RIT1: variants seen among roughly 807,000 people sequenced by gnomAD.
The protein encoded by RIT1 is GTP-binding protein Rit1.
A neutral mutation model predicts 25.6 loss-of-function variants in RIT1; 6 were observed. The observed-to-expected ratio is 0.23, with a 90% CI of 0.13 to 0.46. RIT1 has a LOEUF of 0.46. Among genes scored for constraint, RIT1 ranks in the 20% least tolerant of loss-of-function variants. RIT1 has a pLI of 0.99. For missense variants in RIT1, 219 were observed against 284.4 expected (o/e 0.77, Z 1.65); for synonymous variants, 81 against 94.1 (o/e 0.86, Z 0.80).
At chr1:155,904,173 G>C (rs765379376) in intron 5 of RIT1, 138 bp downstream of exon 5, 33 of 652,398 alleles carry the variant, frequency 5.1e-5, no homozygotes, top group Non-Finnish European at 8.4e-5. Flanking sequence ...CAAAGTACTG[G>C]TGTGAGCCAC....
At position 155,900,518 on chromosome 1, in the gene RIT1, G is replaced by A; in HGVS notation, c.530C>T (p.Ala177Val). The change falls in exon 6 of 6, where the codon GCC (alanine) becomes GTC (valine). Residue 177 changes from alanine (A) to valine (V), a missense_variant. Transcript: ENST00000368323. ...TTTCCTACGTATCTCCCGTACAAGG[G>A]CATGGAAAACATCATCAATATAGTA... is the stretch of plus-strand genomic sequence containing the variant. ...YRYYIDDVFH[A>V]LVREIRRKEK... is the part of the protein sequence containing the mutation. The A allele has an allele frequency of 6.2e-7, 1 of 1,614,072 alleles. No homozygotes were observed. The highest frequency in any genetic ancestry group is 8.5e-7 in the Non-Finnish European group (1 of 1,179,996).
chr1:155,901,973 A>G (rs1265998661), intron 5 of RIT1, among the ~76,000 whole-genome samples: 4 of 152,150 alleles, frequency 2.6e-5, no homozygotes, highest in Non-Finnish European at 5.9e-5. Flanking sequence ...AAGAAACACT[A>G]AACAATACAA....
intron 3 of RIT1, among the ~76,000 whole-genome samples, chr1:155,906,762 C>CAAAAAAAA (rs59899087): frequency 4.0e-4 from 10 of 24,748 alleles, no homozygotes; most frequent in African/African-American, 1.1e-3. Flanking sequence ...TTCTCCGTCT[C>CAAAAAAAA]AAAAAAAAAA....
Position 155,900,137 on chromosome 1 carries a change from C to A in RIT1, c.*251G>T, listed in dbSNP as rs1284611933. The stretch of plus-strand genomic sequence containing the variant: ...AACAAATTTACATTAATTAATAGCG[C>A]AACAGAACCCAAAACATTGGTAGAA... On this transcript the variant is annotated 3_prime_UTR_variant, in exon 6 of 6. Coordinates refer to ENST00000368323, the MANE Select transcript of RIT1 (RefSeq NM_006912.6). 2 of 472,570 alleles carry A rather than the reference C, an allele frequency of 4.2e-6. No individual in the cohort carries two copies. Among genetic ancestry groups the A allele is most frequent in the Non-Finnish European group, 7.5e-6 (2 of 265,338 alleles). 29.3% of individuals were successfully genotyped at this position (472,570 alleles called of 1,614,324 possible).
Position 155,898,492 on chromosome 1 carries a change from T to TTAAA in RIT1, c.*1895_*1896insTTTA, listed in dbSNP as rs1491498831. 5 of 34,314 alleles carry TTAAA rather than the reference T, an allele frequency of 1.5e-4. No individual in the cohort carries two copies. The highest frequency in any genetic ancestry group is 3.7e-4 in the African/African-American group (4 of 10,810). The allele number at this position is 34,314 out of a possible 1,614,324, so 2.1% of individuals were successfully genotyped here. ...AACATAGTGAAACCTCATCTCTATT[T>TTAAA]AAAAAAAAAAAAAAAAAAAAAAAAA... is the stretch of plus-strand genomic sequence containing the variant. On this transcript the variant is annotated 3_prime_UTR_variant, in exon 6 of 6. Coordinates refer to ENST00000368323, the MANE Select transcript of RIT1 (RefSeq NM_006912.6).
intron 5 of RIT1, 127 bp downstream of exon 5, chr1:155,904,184 C>A: frequency 1.4e-6 from 1 of 712,020 alleles, no homozygotes; most frequent in East Asian, 2.7e-5. Context: ...TGTGAGCCAC[C>A]TCACCCAGCC....
chr1:155,910,584 T>G (rs527741406), intron 2 of RIT1, 72 bp downstream of exon 2: 5 of 1,606,438 alleles, frequency 3.1e-6, no homozygotes, highest in Middle Eastern at 1.7e-4. Context: ...CATTGCAAGA[T>G]AGCAAGTATC....
intron 5 of RIT1, among the ~76,000 whole-genome samples, chr1:155,903,662 T>C (rs894970470): frequency 6.6e-6 from 1 of 152,100 alleles, no homozygotes. Context: ...TAAATCCCTA[T>C]AAATTTTTTC....
At chr1:155,910,878 C>G in intron 1 of RIT1, 74 bp from the exon 2 acceptor site, 1 of 1,585,652 alleles carries the variant, frequency 6.3e-7, no homozygotes, top group Middle Eastern at 1.7e-4. Flanking sequence ...AGTGCCTTAC[C>G]TTTCCATACA....
chr1:155,910,283 A>G, intron 3 of RIT1, 167 bp downstream of exon 3: 1 of 620,102 alleles, frequency 1.6e-6, no homozygotes, highest in Admixed American at 3.0e-5. Context: ...AAGTCTGAAA[A>G]AAAAAGAAAT....
intron 3 of RIT1, among the ~76,000 whole-genome samples, chr1:155,905,641 T>C (rs1017873903): frequency 3.0e-4 from 46 of 152,162 alleles, no homozygotes; most frequent in African/African-American, 9.9e-4. Flanking sequence ...TCCAATGAAG[T>C]AGGCATTATT....
chr1:155,909,940 A>G (rs1673553639), intron 3 of RIT1, among the ~76,000 whole-genome samples: 1 of 151,008 alleles, frequency 6.6e-6, no homozygotes, highest in African/African-American at 2.4e-5. Flanking sequence ...AAAAAAAACA[A>G]CAGACAGACA....
At chr1:155,910,137 G>A (rs1344632518) in intron 3 of RIT1, 1 of 265,696 alleles carries the variant, frequency 3.8e-6, no homozygotes, top group Non-Finnish European at 7.3e-6. Flanking sequence ...CGAGTCTCAA[G>A]TCATACCCTT....
chr1:155,900,509 C>T lies in RIT1; in HGVS notation c.539G>A (p.Arg180Gln), dbSNP rs760845441. Reference protein sequence around the residue: ...YIDDVFHALVREIRRKEKEAV... With the variant: ...YIDDVFHALVQEIRRKEKEAV... ...CTCCTTTTCTTTCCTACGTATCTCC[C>T]GTACAAGGGCATGGAAAACATCATC... is the stretch of plus-strand genomic sequence containing the variant. The change falls in exon 6 of 6, where the codon CGG becomes CAG. Residue 180 changes from arginine to glutamine, a missense_variant. By Grantham distance (43) the Arg-to-Gln change is conservative. Coordinates refer to ENST00000368323, the MANE Select transcript of RIT1 (RefSeq NM_006912.6). 5 of 1,614,104 alleles carry T rather than the reference C, an allele frequency of 3.1e-6. No homozygotes were observed. Among genetic ancestry groups the T allele is most frequent in the Non-Finnish European group, 4.2e-6 (5 of 1,180,008 alleles).
Position 155,900,360 on chromosome 1 carries a change from T to A in RIT1, c.*28A>T. The A allele has an allele frequency of 1.3e-6, 2 of 1,555,332 alleles. No homozygotes were observed. Among genetic ancestry groups the A allele is most frequent in the Admixed American group, 1.7e-5 (1 of 59,810 alleles). ...GACTGCTTTGATACAGCACTGCAGT[T>A]CACAGATAAACACTTCACATCTTCT... is the stretch of plus-strand genomic sequence containing the variant. On this transcript the variant is annotated 3_prime_UTR_variant, in exon 6 of 6. Coordinates refer to ENST00000368323, the MANE Select transcript of RIT1 (RefSeq NM_006912.6).
intron 3 of RIT1, among the ~76,000 whole-genome samples, chr1:155,907,504 G>A (rs1308471506): frequency 1.3e-5 from 2 of 152,186 alleles, no homozygotes; most frequent in African/African-American, 2.4e-5. Flanking sequence ...AAAGTGCTTC[G>A]ATTACAGGAT....
intron 1 of RIT1, 95 bp from the exon 2 acceptor site, chr1:155,910,899 T>C (rs535877877): frequency 1.3e-6 from 2 of 1,563,004 alleles, no homozygotes; most frequent in East Asian, 4.8e-5. Flanking sequence ...TATTCTGGCC[T>C]GTCCCTCTTA....
intron 5 of RIT1, among the ~76,000 whole-genome samples, chr1:155,902,819 G>T (rs1673339603): frequency 6.6e-6 from 1 of 151,720 alleles, no homozygotes; most frequent in Admixed American, 6.6e-5. Flanking sequence ...CTCCAGCCTG[G>T]GCAACAGAGT....
intron 3 of RIT1, 75 bp from the exon 4 acceptor site, chr1:155,904,879 G>A: frequency 2.1e-6 from 2 of 964,732 alleles, no homozygotes; most frequent in Non-Finnish European, 3.4e-6. Flanking sequence ...TCATCTTACA[G>A]AGTAGTACAT....
Sources: gnomAD v4.1 joint callset for allele counts (sites outside exome capture counted in the v4.1 genomes callset) on GRCh38, gnomAD v4.1.1 for gene constraint, MANE v1.5 for transcripts, NCBI Gene and HGNC (gene_info 2026-07-23, HGNC 2026-07-21) for gene names.